TNKS2: variants seen among roughly 807,000 people sequenced by gnomAD.
The protein encoded by TNKS2 is tankyrase 2, also known as poly [ADP-ribose] polymerase tankyrase-2.
In TNKS2, 72 loss-of-function variants were observed where a neutral mutation model predicts 137.6. The ratio of observed to expected loss-of-function variants is 0.52; its 90% CI spans 0.43 to 0.64. TNKS2 has a LOEUF of 0.64. Ranked by LOEUF, TNKS2 falls within the 30% of genes least tolerant of loss-of-function variation. The pLI, the probability that TNKS2 is intolerant of heterozygous loss-of-function variation, is 0.00. For synonymous variants in TNKS2, 516 were observed against 512.1 expected, an observed-to-expected ratio of 1.01 and a Z score of -0.10; for missense variants, 1,049 against 1,410.2, an observed-to-expected ratio of 0.74 and a Z score of 4.10.
At chr10:91,859,722 A>G in intron 25 of TNKS2, 74 bp downstream of exon 25, 2 of 1,292,118 alleles carry the variant, frequency 1.5e-6, no homozygotes, top group Non-Finnish European at 2.2e-6. Flanking sequence ...AGGGCAAAGC[A>G]TTATGTTGGA....
chr10:91,813,602 G>C (rs1035900909), intron 2 of TNKS2, among the ~76,000 whole-genome samples: 4 of 152,122 alleles, frequency 2.6e-5, no homozygotes, highest in African/African-American at 9.7e-5. Context: ...GGGTTAAAAA[G>C]GTAGGTGGGG....
intron 1 of TNKS2, among the ~76,000 whole-genome samples, chr10:91,800,059 G>A (rs1844111746): frequency 6.6e-6 from 1 of 152,192 alleles, no homozygotes; most frequent in African/African-American, 2.4e-5. Context: ...AATACTACCA[G>A]GAGGTATGCT....
intron 2 of TNKS2, among the ~76,000 whole-genome samples, chr10:91,816,596 T>C (rs1049612887): frequency 2.6e-5 from 4 of 152,152 alleles, no homozygotes; most frequent in Admixed American, 1.3e-4. Context: ...AGAAAGATAA[T>C]GACTGATGAC....
intron 11 of TNKS2, among the ~76,000 whole-genome samples, chr10:91,833,056 T>C (rs768310177): frequency 6.6e-6 from 1 of 152,308 alleles, no homozygotes; most frequent in Admixed American, 6.5e-5. Context: ...AGTTTTTCTT[T>C]AGATGTAAAA....
rs1014993608 is a variant in TNKS2, at chr10:91,798,811, A to G, written c.121A>G (p.Lys41Glu). The change falls in exon 1 of 27, where the codon AAG (lysine) becomes GAG (glutamate). Residue 41 changes from lysine to glutamate, a missense_variant. Lys to Glu is a moderately conservative substitution (Grantham distance 56, BLOSUM62 1). Coordinates refer to ENST00000371627, the MANE Select transcript of TNKS2 (RefSeq NM_025235.4). ...ACRNGDVERV[K>E]RLVTPEKVNS... ...CCGCAACGGGGACGTGGAACGAGTC[A>G]AGAGGCTGGTGACGCCTGAGAAGGT... 5 of 1,334,696 alleles carry G rather than the reference A, an allele frequency of 3.7e-6. No individual in the cohort carries two copies. The highest frequency in any genetic ancestry group is 1.5e-5 in the African/African-American group (1 of 65,844). 82.7% of individuals were successfully genotyped at this position (1,334,696 alleles called of 1,614,324 possible).
intron 2 of TNKS2, among the ~76,000 whole-genome samples, chr10:91,814,034 T>G (rs1350323340): frequency 6.6e-6 from 1 of 152,052 alleles, no homozygotes; most frequent in Non-Finnish European, 1.5e-5. Context: ...TACTCAGCAA[T>G]TAAAAAAAAA....
intron 7 of TNKS2, among the ~76,000 whole-genome samples, chr10:91,825,814 A>G (rs1845049879): frequency 1.3e-5 from 2 of 152,236 alleles, no homozygotes; most frequent in Non-Finnish European, 2.9e-5. Context: ...GTTAGCAAGG[A>G]TATGTAGCAA....
intron 8 of TNKS2, among the ~76,000 whole-genome samples, chr10:91,827,470 A>G (rs1845104685): frequency 6.6e-6 from 1 of 152,204 alleles, no homozygotes; most frequent in South Asian, 2.1e-4. Context: ...TGCCTTTGAA[A>G]TGAAAGCATT....
chr10:91,819,080 AG>A (rs1230245194), intron 3 of TNKS2, among the ~76,000 whole-genome samples, 189 bp from the exon 4 acceptor site: 1 of 151,978 alleles, frequency 6.6e-6, no homozygotes, highest in Non-Finnish European at 1.5e-5. Flanking sequence ...CCCATAGCAA[AG>A]GTATTTCATG....
chr10:91,806,367 T>C (rs1396066354), intron 1 of TNKS2, among the ~76,000 whole-genome samples: 1 of 152,096 alleles, frequency 6.6e-6, no homozygotes, highest in African/African-American at 2.4e-5. Flanking sequence ...CACAGAAGTA[T>C]GCAAGGATTT....
Position 91,827,220 on chromosome 10 carries a change from G to C in TNKS2, c.982+17G>C. 2.0e-6 allele frequency: 3 copies of C among 1,492,496 alleles called. No homozygotes were observed. The highest frequency in any genetic ancestry group is 2.7e-6 in the Non-Finnish European group (3 of 1,113,554). The allele number at this position is 1,492,496 out of a possible 1,614,324, so 92.5% of individuals were successfully genotyped here. Reference sequence around the variant, plus strand: ...GATTAGCATGTGAGTATAAAATTATGAATGTTCAGGTAGGATATTATATCA... The same window carrying C: ...GATTAGCATGTGAGTATAAAATTATCAATGTTCAGGTAGGATATTATATCA... On this transcript the variant is annotated intron_variant, in intron 8 of 26. Coordinates refer to ENST00000371627, the MANE Select transcript of TNKS2 (RefSeq NM_025235.4).
At chr10:91,841,234 A>G (rs746151618) in intron 14 of TNKS2, 49 bp from the exon 15 acceptor site, 1 of 1,414,766 alleles carries the variant, frequency 7.1e-7, no homozygotes, top group Non-Finnish European at 9.4e-7. Context: ...AATTATTTAA[A>G]TTAAAACATG....
intron 12 of TNKS2, 147 bp from the exon 13 acceptor site, chr10:91,836,772 C>T (rs1842033925): frequency 7.2e-7 from 1 of 1,380,436 alleles, no homozygotes. Flanking sequence ...CTCCCCAACC[C>T]TCACCCCCCT....
intron 2 of TNKS2, among the ~76,000 whole-genome samples, chr10:91,814,669 T>C (rs1344112273): frequency 6.6e-6 from 1 of 152,208 alleles, no homozygotes; most frequent in East Asian, 1.9e-4. Context: ...ACAGATGTAC[T>C]TACCATTGTA....
chr10:91,850,563 C>CA (rs1228161638), intron 20 of TNKS2, among the ~76,000 whole-genome samples: 2 of 151,382 alleles, frequency 1.3e-5, no homozygotes, highest in Admixed American at 1.3e-4. Flanking sequence ...ACTAAAAATA[C>CA]AAAAAATTAG....
Position 91,812,965 on chromosome 10 carries a change from C to G in TNKS2, c.200-18C>G. 1 of 1,612,538 alleles carries G rather than the reference C, an allele frequency of 6.2e-7. No homozygotes were observed. On this transcript the variant is annotated intron_variant, in intron 1 of 26. Coordinates refer to ENST00000371627, the MANE Select transcript of TNKS2 (RefSeq NM_025235.4). Reference sequence around the variant, plus strand: ...TTTCCTTGTTGAACTTACGTGTGGACAATTTGTTTTCATCTAGGTTTTGGG... The same window carrying G: ...TTTCCTTGTTGAACTTACGTGTGGAGAATTTGTTTTCATCTAGGTTTTGGG...
chr10:91,820,441 G>A (rs983419171), intron 6 of TNKS2, among the ~76,000 whole-genome samples: 2 of 152,200 alleles, frequency 1.3e-5, no homozygotes, highest in African/African-American at 4.8e-5. Context: ...CGGGACATTA[G>A]TCTGTAAGAC....
intron 11 of TNKS2, 124 bp downstream of exon 11, chr10:91,831,305 A>G (rs918597091): frequency 3.1e-5 from 27 of 879,844 alleles, no homozygotes; most frequent in African/African-American, 5.1e-5. Context: ...CTTATAATCT[A>G]TGCTTAAGAA....
intron 23 of TNKS2, 46 bp downstream of exon 23, chr10:91,855,734 AAG>A (rs746472553): frequency 7.2e-7 from 1 of 1,391,366 alleles, no homozygotes; most frequent in Non-Finnish European, 1.0e-6. Context: ...GTCGTTTTCA[AAG>A]CCTGAAGCCA....
Sources: allele counts gnomAD v4.1 joint callset (sites outside exome capture counted in the v4.1 genomes callset), GRCh38; gene constraint gnomAD v4.1.1; transcripts MANE v1.5; gene names NCBI Gene and HGNC (gene_info 2026-07-23, HGNC 2026-07-21).